Variants in CACNB2 observed in about 807,000 individuals in gnomAD.
The protein encoded by CACNB2 is calcium voltage-gated channel auxiliary subunit beta 2.
CACNB2 carries 42 observed loss-of-function variants against 73.3 expected under a neutral mutation model. The observed-to-expected ratio is 0.57, with a 90% CI of 0.45 to 0.74. CACNB2 has a LOEUF of 0.74. Ranked by LOEUF, CACNB2 falls within the 30% of genes least tolerant of loss-of-function variation. CACNB2 has a pLI of 0.00. For missense variants in CACNB2, 940 were observed against 853.0 expected, an observed-to-expected ratio of 1.10 and a Z score of -1.27; for synonymous variants, 348 against 310.3, an observed-to-expected ratio of 1.12 and a Z score of -1.28.
chr10:18,532,687 AAAAAAAAAAC>A (rs2053164097), intron 10 of CACNB2, among the ~76,000 whole-genome samples: 2 of 58,834 alleles, frequency 3.4e-5, no homozygotes, highest in East Asian at 2.0e-3. Flanking sequence ...AAAAAAAAAA[AAAAAAAAAAC>A]AAAACAAAAA....
At chr10:18,226,944 G>C (rs922014111) in intron 2 of CACNB2, among the ~76,000 whole-genome samples, 1 of 152,088 alleles carries the variant, frequency 6.6e-6, no homozygotes, top group Non-Finnish European at 1.5e-5. Context: ...GGGGAGGAGG[G>C]AGCGAGGGTT....
At chr10:18,229,265 A>T (rs185719836) in intron 2 of CACNB2, among the ~76,000 whole-genome samples, 1 of 152,348 alleles carries the variant, frequency 6.6e-6, no homozygotes, top group African/African-American at 2.4e-5. Flanking sequence ...CCATAATTTC[A>T]ATTACATGAT....
At chr10:18,349,340 T>C (rs975751339) in intron 2 of CACNB2, among the ~76,000 whole-genome samples, 13 of 152,178 alleles carry the variant, frequency 8.5e-5, no homozygotes, top group African/African-American at 3.1e-4. Flanking sequence ...AGAACCGTTT[T>C]CCCGGAGCTC....
chr10:18,162,637 G>T, intron 2 of CACNB2, among the ~76,000 whole-genome samples: 1 of 152,142 alleles, frequency 6.6e-6, no homozygotes, highest in Middle Eastern at 3.2e-3. Flanking sequence ...AATTCCCAGT[G>T]GATTCTCTAT....
At chr10:18,270,353 G>T (rs2131639029) in intron 2 of CACNB2, among the ~76,000 whole-genome samples, 1 of 152,270 alleles carries the variant, frequency 6.6e-6, no homozygotes, top group South Asian at 2.1e-4. Context: ...CATGAGATTT[G>T]GGTGGGGACA....
chr10:18,449,466 C>T (rs939381915), intron 3 of CACNB2, among the ~76,000 whole-genome samples: 2 of 152,194 alleles, frequency 1.3e-5, no homozygotes, highest in African/African-American at 2.4e-5. Flanking sequence ...TCGGGAGGAA[C>T]TTGCTGTGAT....
At chr10:18,369,448 C>T (rs1295296556) in intron 2 of CACNB2, among the ~76,000 whole-genome samples, 2 of 152,060 alleles carry the variant, frequency 1.3e-5, no homozygotes, top group Admixed American at 6.6e-5. Context: ...AGGTAAAAAT[C>T]ATTATTTTCC....
chr10:18,324,361 C>T (rs973520586), intron 2 of CACNB2, among the ~76,000 whole-genome samples: 25 of 152,144 alleles, frequency 1.6e-4, no homozygotes, highest in African/African-American at 5.3e-4. Context: ...TTGGAGTTTG[C>T]CAGGAAGACA....
intron 2 of CACNB2, among the ~76,000 whole-genome samples, chr10:18,269,090 G>T (rs2037938112): frequency 6.6e-6 from 1 of 152,156 alleles, no homozygotes; most frequent in South Asian, 2.1e-4. Flanking sequence ...TTCACGAAGG[G>T]TGATCAAGTC....
chr10:18,171,521 GAAAAAAAAAAAAAA>G (rs370201485), intron 2 of CACNB2, among the ~76,000 whole-genome samples: 3 of 32,604 alleles, frequency 9.2e-5, no homozygotes, highest in South Asian at 1.8e-3. Context: ...TTTGATAGCA[GAAAAAAAAAAAAAA>G]AAAAAAAAAA....
At chr10:18,531,876 A>T (rs1000352594) in intron 10 of CACNB2, 3 of 152,150 alleles carry the variant, frequency 2.0e-5, no homozygotes, top group Non-Finnish European at 2.9e-5. Context: ...TTCAGTGGGT[A>T]TAAGAAACTG....
At position 18,540,877 on chromosome 10, in the gene CACNB2, C is replaced by A. The variant is rs2054036338; in HGVS notation, c.*1153C>A. The A allele has an allele frequency of 6.6e-6, 1 of 152,586 alleles. No homozygotes were observed. Among genetic ancestry groups the A allele is most frequent in the African/African-American group, 2.4e-5 (1 of 41,434 alleles). The allele number at this position is 152,586 out of a possible 1,614,324, so 9.5% of individuals were successfully genotyped here. A position where few individuals can be genotyped will look rare whatever the true frequency, so the allele number is the denominator to read the frequency against. Reference sequence around the variant, plus strand: ...TTGTGCTATATGTTGCTTTAACAACCCATTGAGCAGTCAGGGAATGTGAGT... The same window carrying A: ...TTGTGCTATATGTTGCTTTAACAACACATTGAGCAGTCAGGGAATGTGAGT... On this transcript the variant is annotated 3_prime_UTR_variant, in exon 14 of 14. Coordinates refer to ENST00000324631, the MANE Select transcript of CACNB2 (RefSeq NM_201596.3).
intron 2 of CACNB2, among the ~76,000 whole-genome samples, chr10:18,320,147 CA>C (rs1326692960): frequency 6.6e-6 from 1 of 152,082 alleles, no homozygotes; most frequent in Non-Finnish European, 1.5e-5. Context: ...GATATCTCAC[CA>C]GTTCGAATTA....
chr10:18,165,851 A>G (rs922852976), intron 2 of CACNB2, among the ~76,000 whole-genome samples: 3 of 152,190 alleles, frequency 2.0e-5, no homozygotes, highest in African/African-American at 4.8e-5. Flanking sequence ...CAAATGCCAC[A>G]TGTCTTTTCA....
At chr10:18,438,059 C>T (rs2132902174) in intron 3 of CACNB2, among the ~76,000 whole-genome samples, 1 of 119,154 alleles carries the variant, frequency 8.4e-6, no homozygotes, top group East Asian at 2.8e-4. Context: ...GCTCTGTCAC[C>T]CAGGCTGGAA....
intron 2 of CACNB2, among the ~76,000 whole-genome samples, chr10:18,352,920 A>C (rs979189261): frequency 1.9e-4 from 29 of 152,236 alleles, no homozygotes; most frequent in African/African-American, 7.0e-4. Flanking sequence ...CACCTCTAGT[A>C]AAGCTATAAA....
At chr10:18,417,360 CTTTTTTTTTT>C (rs34847923) in intron 3 of CACNB2, among the ~76,000 whole-genome samples, 5 of 87,012 alleles carry the variant, frequency 5.7e-5, no homozygotes, top group African/African-American at 5.2e-5. Flanking sequence ...GCTAAAAATT[CTTTTTTTTTT>C]TTTTTTTTTT....
intron 2 of CACNB2, among the ~76,000 whole-genome samples, chr10:18,267,472 G>T (rs1478366274): frequency 1.3e-5 from 2 of 152,034 alleles, no homozygotes; most frequent in Admixed American, 1.3e-4. Flanking sequence ...CAGGTGTGGT[G>T]GCGGGCACCT....
intron 4 of CACNB2, among the ~76,000 whole-genome samples, chr10:18,499,971 G>C (rs1170500472): frequency 6.6e-6 from 1 of 152,134 alleles, no homozygotes; most frequent in African/African-American, 2.4e-5. Flanking sequence ...ACCCTGTCTT[G>C]ATTAAAAATA....
Sources: gnomAD v4.1 joint callset for allele counts (sites outside exome capture counted in the v4.1 genomes callset) on GRCh38, gnomAD v4.1.1 for gene constraint, MANE v1.5 for transcripts, NCBI Gene and HGNC (gene_info 2026-07-23, HGNC 2026-07-21) for gene names.